CCDC60: variants seen among roughly 807,000 people sequenced by gnomAD.
CCDC60 encodes coiled-coil domain-containing protein 60.
A neutral mutation model predicts 63.5 loss-of-function variants in CCDC60; 54 were observed. The ratio of observed to expected loss-of-function variants is 0.85; its 90% CI spans 0.68 to 1.07. The LOEUF (loss-of-function observed/expected upper bound fraction) is 1.07. CCDC60 is among the 50% of genes least tolerant of loss of function. CCDC60 has a pLI of 0.00. For missense variants in CCDC60, 651 were observed against 684.3 expected, an observed-to-expected ratio of 0.95 and a Z score of 0.54; for synonymous variants, 206 against 238.8, an observed-to-expected ratio of 0.86 and a Z score of 1.27.
chr12:119,495,560 A>G (rs1951699624), intron 5 of CCDC60, among the ~76,000 whole-genome samples: 1 of 152,182 alleles, frequency 6.6e-6, no homozygotes, highest in South Asian at 2.1e-4. Context: ...ATATTCCAAG[A>G]CCTTTACGTC....
chr12:119,422,515 C>T (rs1337071689), intron 1 of CCDC60, among the ~76,000 whole-genome samples: 1 of 152,162 alleles, frequency 6.6e-6, no homozygotes, highest in Non-Finnish European at 1.5e-5. Flanking sequence ...TGTGAGCAGG[C>T]GTCTTACATG....
chr12:119,458,761 T>G (rs1950796030), intron 2 of CCDC60, among the ~76,000 whole-genome samples: 1 of 152,080 alleles, frequency 6.6e-6, no homozygotes. Flanking sequence ...TTGTTTTTGT[T>G]TTTGAGACAG....
chr12:119,471,948 T>C, intron 2 of CCDC60, 46 bp from the exon 3 acceptor site: 1 of 1,542,368 alleles, frequency 6.5e-7, no homozygotes, highest in Non-Finnish European at 8.9e-7. Context: ...CTCTCCACCC[T>C]CCCACCTTCC....
chr12:119,528,678 G>A lies in CCDC60; in HGVS notation c.1293G>A (p.Lys431=). The change falls in exon 12 of 14, where the codon AAG becomes AAA. Residue 431 remains lysine (K), a synonymous_variant. Transcript: ENST00000327554. ...TTGTCCTTGTCTCAAATTTTCAAAA[G>A]GACATAGCAAAAATGAGACATCACA... ...RAFVLVSNFQ[K]DIAKMRHHIS... The A allele has an allele frequency of 6.2e-7, 1 of 1,613,870 alleles. No homozygotes were observed. The highest frequency in any genetic ancestry group is 8.5e-7 in the Non-Finnish European group (1 of 1,179,894).
chr12:119,349,630 C>T (rs933675462), intron 1 of CCDC60, among the ~76,000 whole-genome samples: 3 of 151,070 alleles, frequency 2.0e-5, no homozygotes, highest in Admixed American at 6.6e-5. Flanking sequence ...TGAGCCACTG[C>T]GCCTGGCCCA....
intron 7 of CCDC60, among the ~76,000 whole-genome samples, chr12:119,507,581 C>CAT (rs1749051391): frequency 3.7e-5 from 1 of 27,326 alleles, no homozygotes; most frequent in Admixed American, 4.8e-4. Flanking sequence ...TATATATACA[C>CAT]ATATATATAC....
intron 4 of CCDC60, among the ~76,000 whole-genome samples, chr12:119,485,624 C>A (rs147986093): frequency 2.0e-5 from 3 of 152,142 alleles, no homozygotes; most frequent in Non-Finnish European, 2.9e-5. Flanking sequence ...TCTCTTTAGG[C>A]GTCCAAATCT....
chr12:119,381,780 C>G (rs937559000), intron 1 of CCDC60, among the ~76,000 whole-genome samples: 21 of 152,182 alleles, frequency 1.4e-4, no homozygotes, highest in African/African-American at 5.1e-4. Flanking sequence ...ACTCTTAGAT[C>G]TGTGGCCCCA....
intron 12 of CCDC60, among the ~76,000 whole-genome samples, chr12:119,529,007 G>T (rs1026111821): frequency 6.6e-6 from 1 of 152,062 alleles, no homozygotes; most frequent in Non-Finnish European, 1.5e-5. Context: ...ATTCAGACTT[G>T]CAAATAAGGA....
chr12:119,354,122 CTCTT>C lies in CCDC60; in HGVS notation c.90+18860_90+18863del, dbSNP rs201800943. 1.2e-4 allele frequency among the ~76,000 whole-genome samples: 19 copies of C among 152,192 alleles called. 1 individual carries two copies. The East Asian group carries it at 2.5e-3, about 20-fold the overall frequency. ...TCCTTTCTTCTCCATTTCTCTCTCT[CTCTT>C]TCTCTGTCTACCCTCCATCATGACA... On this transcript the variant is annotated intron_variant, in intron 1 of 13. Coordinates refer to ENST00000327554, the MANE Select transcript of CCDC60 (RefSeq NM_178499.5).
At chr12:119,505,335 C>A (rs1951969548) in intron 7 of CCDC60, 32 bp downstream of exon 7, 1 of 1,474,576 alleles carries the variant, frequency 6.8e-7, no homozygotes, top group Non-Finnish European at 9.4e-7. Flanking sequence ...ACTCATCTAC[C>A]CTGACCCTTT....
At chr12:119,338,608 TTGTTC>T (rs1333113845) in intron 1 of CCDC60, among the ~76,000 whole-genome samples, 2 of 152,196 alleles carry the variant, frequency 1.3e-5, no homozygotes, top group Non-Finnish European at 2.9e-5. Context: ...TGATAAATGG[TTGTTC>T]TGTTCAATGT....
At chr12:119,397,092 C>T (rs768264611) in intron 1 of CCDC60, among the ~76,000 whole-genome samples, 1 of 151,886 alleles carries the variant, frequency 6.6e-6, no homozygotes, top group Non-Finnish European at 1.5e-5. Flanking sequence ...TCCTCCCCTC[C>T]AGAGTTGTTC....
chr12:119,457,172 A>C lies in CCDC60; in HGVS notation c.171-14822A>C, dbSNP rs554016271. 3.9e-5 allele frequency among the ~76,000 whole-genome samples: 6 copies of C among 152,340 alleles called. No homozygotes were observed. In the South Asian group the frequency reaches 1.2e-3, roughly 32 times the overall value. Reference sequence around the variant, plus strand: ...GCTCAAACGGAAGTCTTCTAGGTGCATGTGTGCACTTTGCTCAGACCCAAG... The same window carrying C: ...GCTCAAACGGAAGTCTTCTAGGTGCCTGTGTGCACTTTGCTCAGACCCAAG... On this transcript the variant is annotated intron_variant, in intron 2 of 13. Coordinates refer to ENST00000327554, the MANE Select transcript of CCDC60 (RefSeq NM_178499.5).
intron 1 of CCDC60, among the ~76,000 whole-genome samples, chr12:119,426,094 C>T (rs573822170): frequency 5.9e-5 from 9 of 152,244 alleles, no homozygotes; most frequent in South Asian, 2.1e-4. Flanking sequence ...TCTCTCCACC[C>T]GCTTCACCCA....
chr12:119,492,515 A>C (rs1000349885), intron 5 of CCDC60, among the ~76,000 whole-genome samples: 47 of 152,218 alleles, frequency 3.1e-4, no homozygotes, highest in Middle Eastern at 3.2e-3. Flanking sequence ...AAGCAGAAAG[A>C]GCTCTTCTCT....
Position 119,480,790 on chromosome 12 carries a change from A to G in CCDC60, c.449+1589A>G, listed in dbSNP as rs541875640. On this transcript the variant is annotated intron_variant, in intron 4 of 13. Coordinates refer to ENST00000327554, the MANE Select transcript of CCDC60 (RefSeq NM_178499.5). Reference sequence around the variant, plus strand: ...CATCACCATCATCATCACCATCATCATCACCACCATCGTCACCATCATCCT... The same window carrying G: ...CATCACCATCATCATCACCATCATCGTCACCACCATCGTCACCATCATCCT... Among the ~76,000 whole-genome samples, 775 of 150,374 alleles carry G rather than the reference A, an allele frequency of 5.2e-3. 4 individuals carry two copies. The highest frequency in any genetic ancestry group is 0.018 in the African/African-American group (737 of 40,580).
intron 1 of CCDC60, among the ~76,000 whole-genome samples, chr12:119,405,829 A>G (rs1956477971): frequency 6.8e-6 from 1 of 148,078 alleles, no homozygotes; most frequent in African/African-American, 2.5e-5. Flanking sequence ...CCCACCCTCC[A>G]AAAGTAGCCT....
intron 1 of CCDC60, among the ~76,000 whole-genome samples, chr12:119,385,694 G>A (rs990159485): frequency 6.6e-6 from 1 of 152,190 alleles, no homozygotes; most frequent in Admixed American, 6.5e-5. Flanking sequence ...AGAAAGGTTG[G>A]AGTCTCTGTT....
Sources: gnomAD v4.1 joint callset for allele counts (sites outside exome capture counted in the v4.1 genomes callset) on GRCh38, gnomAD v4.1.1 for gene constraint, MANE v1.5 for transcripts, NCBI Gene and HGNC (gene_info 2026-07-23, HGNC 2026-07-21) for gene names.